Variants in CSMD2 observed in about 807,000 individuals in gnomAD.
CSMD2 encodes CUB and sushi domain-containing protein 2.
Under a neutral mutation model 398.5 loss-of-function variants are expected in CSMD2, and 130 were observed. That is an observed-to-expected ratio of 0.33 (90% CI 0.28 to 0.38). The LOEUF is 0.38. Ranked by LOEUF, CSMD2 falls within the 10% of genes least tolerant of loss-of-function variation. The pLI is 1.00. For synonymous variants in CSMD2, 1,828 were observed against 1,908.5 expected (o/e 0.96, Z 1.10); for missense variants, 3,829 against 4,764.9 (o/e 0.80, Z 5.78).
At chr1:34,067,577 G>A (rs1189557340) in intron 2 of CSMD2, among the ~76,000 whole-genome samples, 1 of 152,196 alleles carries the variant, frequency 6.6e-6, no homozygotes, top group Non-Finnish European at 1.5e-5. Context: ...AGTAGCACCA[G>A]CATCACCTGT....
chr1:33,716,573 T>G (rs1310549743), intron 19 of CSMD2, 72 bp from the exon 20 acceptor site: 30 of 1,071,560 alleles, frequency 2.8e-5, no homozygotes, highest in Non-Finnish European at 4.2e-5. Context: ...AGACAGGATC[T>G]ACACAAACAT....
chr1:34,065,116 A>C (rs985218784), intron 2 of CSMD2, among the ~76,000 whole-genome samples: 1 of 152,138 alleles, frequency 6.6e-6, no homozygotes, highest in Non-Finnish European at 1.5e-5. Context: ...AGGCTTCCTG[A>C]AAGCTCTTCT....
At chr1:33,776,476 A>G (rs1356545231) in intron 12 of CSMD2, among the ~76,000 whole-genome samples, 2 of 152,160 alleles carry the variant, frequency 1.3e-5, no homozygotes, top group South Asian at 4.1e-4. Flanking sequence ...AGTCATGGGA[A>G]AACGACTTGA....
intron 25 of CSMD2, among the ~76,000 whole-genome samples, chr1:33,671,908 A>G (rs937376179): frequency 3.3e-5 from 5 of 152,226 alleles, no homozygotes; most frequent in Non-Finnish European, 7.3e-5. Flanking sequence ...TTTAAAAACA[A>G]AAACAAAAAC....
At chr1:34,154,031 A>G (rs771177250) in intron 1 of CSMD2, among the ~76,000 whole-genome samples, 1 of 152,256 alleles carries the variant, frequency 6.6e-6, no homozygotes, top group Non-Finnish European at 1.5e-5. Flanking sequence ...AACTTCTACA[A>G]ATCAACCGGA....
intron 10 of CSMD2, among the ~76,000 whole-genome samples, chr1:33,807,147 G>C (rs1656320845): frequency 6.6e-6 from 1 of 152,184 alleles, no homozygotes. Flanking sequence ...GACAGCAACA[G>C]TGAAACCCAG....
In CSMD2 at chr1:33,918,272, C is replaced by T. The variant is rs751723030; in HGVS notation, c.742G>A (p.Gly248Ser). Residue 248 changes from glycine (G) to serine (S), a missense_variant, in exon 5 of 71, where the codon GGC (glycine) becomes AGC (serine). Physicochemically the swap from Gly to Ser is moderately conservative, Grantham distance 56. Around this residue, in one of 5 missense-constraint regions of CSMD2, gnomAD observed 2,001 missense variants for 2,567.1 expected, o/e 0.78. Transcript: ENST00000373381. ...GGGCTGGAGATGATGCCACTCTGGC[C>T]CCGCAGGGTCCCACCACAGGCATCA... ...ADDACGGTLRGQSGIISSPHF... is the reference protein window; with the variant it reads ...ADDACGGTLRSQSGIISSPHF... 2 of 1,613,796 alleles carry T rather than the reference C, an allele frequency of 1.2e-6. No individual in the cohort carries two copies. Among genetic ancestry groups the T allele is most frequent in the Non-Finnish European group, 1.7e-6 (2 of 1,179,996 alleles).
At chr1:33,521,848 T>C (rs1182445144) in intron 67 of CSMD2, among the ~76,000 whole-genome samples, 1 of 152,210 alleles carries the variant, frequency 6.6e-6, no homozygotes, top group Non-Finnish European at 1.5e-5. Context: ...ACAGTACCTA[T>C]GTCATAGGGT....
In CSMD2 at chr1:33,552,704, C is replaced by A. The variant is rs146064267; in HGVS notation, c.8744-2354G>T. ...GACACAAAAGACACACATATAATTC[C>A]ATTTATATGAAATGTCCAGAATAGG... On this transcript the variant is annotated intron_variant, in intron 55 of 70. Coordinates refer to ENST00000373381, the MANE Select transcript of CSMD2 (RefSeq NM_001281956.2). 3.4e-3 allele frequency among the ~76,000 whole-genome samples: 515 copies of A among 152,024 alleles called. 2 individuals are homozygous for A. The highest frequency in any genetic ancestry group is 6.3e-3 in the Non-Finnish European group (429 of 67,958).
At chr1:33,565,145 G>C (rs1337281592) in intron 53 of CSMD2, among the ~76,000 whole-genome samples, 4 of 152,234 alleles carry the variant, frequency 2.6e-5, no homozygotes, top group Non-Finnish European at 5.9e-5. Context: ...ATGAGAAAGA[G>C]AAGAGAGGAG....
intron 1 of CSMD2, among the ~76,000 whole-genome samples, chr1:34,159,337 C>G (rs116365434): frequency 0.14 from 12,555 of 91,522 alleles, 653 homozygotes; most frequent in African/African-American, 0.19. Flanking sequence ...TGCCCCCCCC[C>G]CACCCAGGAG....
At chr1:33,989,872 A>G (rs1646490337) in intron 3 of CSMD2, among the ~76,000 whole-genome samples, 1 of 152,150 alleles carries the variant, frequency 6.6e-6, no homozygotes. Flanking sequence ...CGGCACAAAG[A>G]AACTTTTGGG....
At chr1:33,591,878 A>G (rs557509361) in intron 44 of CSMD2, 41 of 155,248 alleles carry the variant, frequency 2.6e-4, no homozygotes, top group Non-Finnish European at 5.7e-4. Context: ...ATCTTTCCCT[A>G]TCTCTCTCTC....
chr1:33,536,781 T>C (rs1446971764), intron 62 of CSMD2, among the ~76,000 whole-genome samples: 2 of 152,244 alleles, frequency 1.3e-5, no homozygotes, highest in East Asian at 3.8e-4. Context: ...GAAGTGTTCA[T>C]GGAACTGCAC....
At chr1:33,932,093 A>G (rs1199417688) in intron 4 of CSMD2, among the ~76,000 whole-genome samples, 1 of 152,148 alleles carries the variant, frequency 6.6e-6, no homozygotes, top group Non-Finnish European at 1.5e-5. Context: ...CAGCTTGGCC[A>G]CTGTTGGTGG....
chr1:34,086,052 A>T (rs1192442741), intron 2 of CSMD2, among the ~76,000 whole-genome samples: 1 of 151,964 alleles, frequency 6.6e-6, no homozygotes, highest in Non-Finnish European at 1.5e-5. Flanking sequence ...AAGAAAACCA[A>T]GTGTCAGAAA....
intron 6 of CSMD2, among the ~76,000 whole-genome samples, chr1:33,835,881 T>C (rs1267308659): frequency 6.6e-6 from 1 of 152,162 alleles, no homozygotes; most frequent in Non-Finnish European, 1.5e-5. Context: ...TCATTCTCTG[T>C]CCAGCTTCGT....
chr1:33,989,282 A>G (rs974738846), intron 3 of CSMD2, among the ~76,000 whole-genome samples: 7 of 151,892 alleles, frequency 4.6e-5, no homozygotes, highest in South Asian at 2.1e-4. Context: ...TAAAACCACA[A>G]TGAGATACCA....
intron 2 of CSMD2, among the ~76,000 whole-genome samples, chr1:34,048,225 T>G (rs1401980240): frequency 6.6e-6 from 1 of 152,244 alleles, no homozygotes; most frequent in Admixed American, 6.5e-5. Flanking sequence ...ATGTTTGTTA[T>G]TAACCCGTGC....
Sources: allele counts gnomAD v4.1 joint callset (sites outside exome capture counted in the v4.1 genomes callset), GRCh38; gene constraint gnomAD v4.1.1; regional missense constraint gnomAD v4.1.1; transcripts MANE v1.5; gene names NCBI Gene and HGNC (gene_info 2026-07-23, HGNC 2026-07-21).